The following GSTO2 variants were observed in gnomAD, a reference collection of about 807,000 sequenced individuals.
The protein encoded by GSTO2 is glutathione S-transferase omega-2.
GSTO2 carries 23 observed loss-of-function variants against 28.4 expected under a neutral mutation model. That is an observed-to-expected ratio of 0.81 (90% CI 0.58 to 1.15). The LOEUF (loss-of-function observed/expected upper bound fraction) is 1.15, where lower values mean the gene tolerates loss of function less well. GSTO2 is among the 50% of genes most tolerant of loss of function. GSTO2 has a pLI of 0.00. For missense variants in GSTO2, 298 were observed against 297.8 expected (o/e 1.00, Z 0.00); for synonymous variants, 109 against 111.0 (o/e 0.98, Z 0.11).
chr10:104,283,083 T>G (rs1251397580), intron 5 of GSTO2, among the ~76,000 whole-genome samples: 1 of 152,226 alleles, frequency 6.6e-6, no homozygotes, highest in East Asian at 1.9e-4. Flanking sequence ...GCTACCAATG[T>G]GCTATTTCTA....
chr10:104,300,934 G>A lies in GSTO2; in HGVS notation c.*1650G>A, dbSNP rs1477112178. The A allele has an allele frequency of 1.3e-5, 2 of 152,276 alleles. No individual in the cohort carries two copies. Among genetic ancestry groups the A allele is most frequent in the Admixed American group, 1.3e-4 (2 of 15,280 alleles). 9.4% of individuals were successfully genotyped at this position (152,276 alleles called of 1,614,324 possible). ...GTAAATAGTTACCAGGTGTTACTCT[G>A]TGCCAGCTGGACAGAAACAAGCCTG... On this transcript the variant is annotated 3_prime_UTR_variant, in exon 7 of 7. Coordinates refer to ENST00000338595, the MANE Select transcript of GSTO2 (RefSeq NM_183239.2).
At chr10:104,272,805 G>A (rs2135084724) in intron 1 of GSTO2, among the ~76,000 whole-genome samples, 1 of 151,330 alleles carries the variant, frequency 6.6e-6, no homozygotes, top group African/African-American at 2.4e-5. Context: ...GTAGAGACGG[G>A]GTTTCACCAC....
intron 5 of GSTO2, among the ~76,000 whole-genome samples, chr10:104,283,098 C>G (rs894549621): frequency 6.6e-6 from 1 of 152,232 alleles, no homozygotes; most frequent in African/African-American, 2.4e-5. Flanking sequence ...TTTCTAAACT[C>G]AAGAGCTGGC....
At chr10:104,275,823 G>GAGCT (rs1162356311) in intron 3 of GSTO2, among the ~76,000 whole-genome samples, 4 of 152,268 alleles carry the variant, frequency 2.6e-5, no homozygotes, top group Admixed American at 2.0e-4. Context: ...TTTTATTCAT[G>GAGCT]AGCTAGGAGA....
chr10:104,286,526 C>T (rs1418859835), intron 5 of GSTO2, among the ~76,000 whole-genome samples: 1 of 152,220 alleles, frequency 6.6e-6, no homozygotes, highest in Non-Finnish European at 1.5e-5. Flanking sequence ...GCTGTGAACA[C>T]CATGCAGGTT....
At chr10:104,286,400 T>TA (rs1290772616) in intron 5 of GSTO2, among the ~76,000 whole-genome samples, 3 of 152,242 alleles carry the variant, frequency 2.0e-5, no homozygotes, top group Admixed American at 2.0e-4. Flanking sequence ...ATAATGTTCT[T>TA]AAGGTTCATC....
chr10:104,281,262 A>G (rs534643498), intron 5 of GSTO2, among the ~76,000 whole-genome samples: 15 of 152,008 alleles, frequency 9.9e-5, no homozygotes, highest in Non-Finnish European at 2.1e-4. Context: ...GGGAGAGAGG[A>G]GAGCTGCTGC....
In GSTO2 at chr10:104,299,261, G is replaced by A. The variant is rs753712668; in HGVS notation, c.709G>A (p.Ala237Thr). ...LNLYFQNNPN[A>T]FDFGLC ...TCTCTATTTTCAGAACAACCCTAAT[G>A]CCTTTGACTTTGGGCTGTGCTGAGT... The change falls in exon 7 of 7, where the codon GCC becomes ACC. Residue 237 changes from alanine (A) to threonine (T), a missense_variant. Transcript: ENST00000338595. 9.3e-6 allele frequency: 15 copies of A among 1,614,114 alleles called. No individual in the cohort carries two copies. Among genetic ancestry groups the A allele is most frequent in the Non-Finnish European group, 1.2e-5 (14 of 1,180,006 alleles).
chr10:104,297,586 G>A lies in GSTO2; in HGVS notation c.477G>A (p.Glu159=). ...QEFSNLEEIL[E]YQNTTFFGGT... is the part of the protein sequence containing the mutation. ...TTTGTTTCCATTTTTAGATTCTTGA[G>A]TATCAGAACACCACCTTCTTTGGTG... The change falls in exon 6 of 7, where the codon GAG becomes GAA. Residue 159 remains glutamate (E), a synonymous_variant. Transcript: ENST00000338595. The A allele has an allele frequency of 1.9e-6, 3 of 1,608,896 alleles. No individual in the cohort carries two copies. The highest frequency in any genetic ancestry group is 2.6e-6 in the Non-Finnish European group (3 of 1,175,652).
intron 5 of GSTO2, among the ~76,000 whole-genome samples, chr10:104,280,165 CAAAAAAAAAAAA>C (rs56803318): frequency 5.3e-5 from 3 of 57,076 alleles, no homozygotes; most frequent in Admixed American, 4.3e-4. Flanking sequence ...GTAGGACTGA[CAAAAAAAAAAAA>C]AAAAAAAAAA....
chr10:104,280,064 G>A (rs1440823948), intron 5 of GSTO2, among the ~76,000 whole-genome samples: 1 of 151,114 alleles, frequency 6.6e-6, no homozygotes, highest in Non-Finnish European at 1.5e-5. Flanking sequence ...TACTTAGGAG[G>A]CTGAGGCAGG....
chr10:104,273,776 A>C (rs2011512644), intron 1 of GSTO2, among the ~76,000 whole-genome samples: 1 of 152,170 alleles, frequency 6.6e-6, no homozygotes, highest in Admixed American at 6.5e-5. Context: ...TGGGCAAATA[A>C]TTTCATTTTT....
intron 1 of GSTO2, among the ~76,000 whole-genome samples, chr10:104,269,656 C>T (rs2011291787): frequency 6.6e-6 from 1 of 152,212 alleles, no homozygotes; most frequent in Non-Finnish European, 1.5e-5. Context: ...TGGGAATGTG[C>T]TGTCTTTGTG....
chr10:104,282,571 A>G (rs1171419354), intron 5 of GSTO2, among the ~76,000 whole-genome samples: 1 of 151,592 alleles, frequency 6.6e-6, no homozygotes, highest in African/African-American at 2.4e-5. Flanking sequence ...AAAAAAAAGA[A>G]GAAGAAGAAG....
At chr10:104,277,439 A>G (rs1482378692) in intron 3 of GSTO2, among the ~76,000 whole-genome samples, 2 of 152,026 alleles carry the variant, frequency 1.3e-5, no homozygotes, top group African/African-American at 4.8e-5. Flanking sequence ...GCCCGCCACC[A>G]TGCCTGGCTA....
chr10:104,283,906 A>G (rs74154782), intron 5 of GSTO2, among the ~76,000 whole-genome samples: 1 of 152,118 alleles, frequency 6.6e-6, no homozygotes, highest in Non-Finnish European at 1.5e-5. Context: ...CCAAGATTTC[A>G]TGCATAATCT....
At chr10:104,279,261 G>A (rs2011859101) in intron 4 of GSTO2, 109 bp from the exon 5 acceptor site, 1 of 821,934 alleles carries the variant, frequency 1.2e-6, no homozygotes, top group Non-Finnish European at 2.0e-6. Flanking sequence ...TCTGATGTGG[G>A]TGTTGCCCTG....
At chr10:104,275,417 C>A in intron 3 of GSTO2, 83 bp downstream of exon 3, 1 of 1,284,566 alleles carries the variant, frequency 7.8e-7, no homozygotes, top group Non-Finnish European at 1.1e-6. Context: ...GGGCGCCCTG[C>A]TCAGCTTTTA....
chr10:104,271,387 C>G (rs1277791169), intron 1 of GSTO2, among the ~76,000 whole-genome samples: 1 of 152,244 alleles, frequency 6.6e-6, no homozygotes, highest in Admixed American at 6.5e-5. Flanking sequence ...TTCTTACTCA[C>G]TAGCGTTTGT....
Sources: gnomAD v4.1 joint callset for allele counts (sites outside exome capture counted in the v4.1 genomes callset) on GRCh38, gnomAD v4.1.1 for gene constraint, MANE v1.5 for transcripts, NCBI Gene and HGNC (gene_info 2026-07-23, HGNC 2026-07-21) for gene names.